Variants in GANAB observed in about 807,000 individuals in gnomAD.
GANAB encodes neutral alpha-glucosidase AB.
GANAB carries 35 observed loss-of-function variants against 129.9 expected under a neutral mutation model. The ratio of observed to expected loss-of-function variants is 0.27; its 90% CI spans 0.21 to 0.36. GANAB has a LOEUF of 0.36. GANAB is among the 10% of genes least tolerant of loss of function. GANAB has a pLI of 1.00. For synonymous variants in GANAB, 482 were observed against 451.8 expected (o/e 1.07, Z -0.85); for missense variants, 939 against 1,221.0 (o/e 0.77, Z 3.44).
In GANAB at chr11:62,628,929, G is replaced by A. The variant is rs1294139471; in HGVS notation, c.2020C>T (p.Arg674Trp). The change falls in exon 17 of 24, where the codon CGG becomes TGG. Residue 674 changes from arginine (R) to tryptophan (W), a missense_variant. Around this residue, in one of 5 missense-constraint regions of GANAB, gnomAD observed 147 missense variants for 282.4 expected, o/e 0.52. Coordinates refer to ENST00000356638, the MANE Select transcript of GANAB (RefSeq NM_198334.3). ...CCAGTGTCCAAGTGGGCATGTGCCC[G>A]GAAGAATGGCTGGTAAGCACCCATC... Reference protein sequence around the residue: ...YQMGAYQPFFRAHAHLDTGRR... With the variant: ...YQMGAYQPFFWAHAHLDTGRR... The A allele has an allele frequency of 3.7e-6, 6 of 1,614,156 alleles. No homozygotes were observed. The highest frequency in any genetic ancestry group is 5.1e-6 in the Non-Finnish European group (6 of 1,180,014).
chr11:62,645,973 G>A (rs1179950704), intron 1 of GANAB, among the ~76,000 whole-genome samples: 1 of 152,166 alleles, frequency 6.6e-6, no homozygotes, highest in Non-Finnish European at 1.5e-5. Context: ...TACATGTTGT[G>A]TTTGAGCAAC....
In GANAB at chr11:62,629,643, G is replaced by A. The variant is rs994145126; in HGVS notation, c.1779C>T (p.Gly593=). The change falls in exon 15 of 24, where the codon GGC becomes GGT. Residue 593 remains glycine (G), a synonymous_variant. Coordinates refer to ENST00000356638, the MANE Select transcript of GANAB (RefSeq NM_198334.3). ...TADGLRQRSG[G]MERPFVLARA... is the part of the protein sequence containing the mutation. ...TGGCCAGGACAAAGGGGCGTTCCAT[G>A]CCCCCAGAGCGCTGTCTCAGCCCAT... 1 of 1,613,550 alleles carries A rather than the reference G, an allele frequency of 6.2e-7. No individual in the cohort carries two copies.
chr11:62,637,752 C>G (rs1380472956), intron 4 of GANAB, among the ~76,000 whole-genome samples: 2 of 150,764 alleles, frequency 1.3e-5, no homozygotes, highest in East Asian at 4.0e-4. Flanking sequence ...AACGGAAACC[C>G]AGCCGGGCGC....
At position 62,639,714 on chromosome 11, in the gene GANAB, A is replaced by G. The variant is rs1944135624; in HGVS notation, c.56T>C (p.Val19Ala). ...CAGGCAGACCCCTAAAAAAGCCAGT[A>G]CCAAAGACGCCCAAGACCTAAGGAG... ...ARRRRSWASL[V>A]LAFLGVCLGI... The change falls in exon 2 of 24, where the codon GTA becomes GCA. Residue 19 changes from valine (V) to alanine (A), a missense_variant. By Grantham distance (64) the Val-to-Ala change is moderately conservative. This residue lies in a region of GANAB where 321 missense variants were observed against 329.1 expected (regional missense o/e 0.98). Transcript: ENST00000356638. 6.2e-7 allele frequency: 1 copy of G among 1,613,700 alleles called. No individual in the cohort carries two copies. The highest frequency in any genetic ancestry group is 8.5e-7 in the Non-Finnish European group (1 of 1,179,618).
At position 62,625,715 on chromosome 11, in the gene GANAB, A is replaced by AT; in HGVS notation, c.*99_*100insA. 1.3e-6 allele frequency: 1 copy of AT among 771,916 alleles called. No individual in the cohort carries two copies. The highest frequency in any genetic ancestry group is 2.3e-6 in the Non-Finnish European group (1 of 438,212). The allele number at this position is 771,916 out of a possible 1,614,324, so 47.8% of individuals were successfully genotyped here. On this transcript the variant is annotated 3_prime_UTR_variant, in exon 24 of 24. Transcript: ENST00000356638. ...CAGAATCTGGGTCTTAGACTAGCAT[A>AT]AGTGAAGTCTGGGGAGGGCCGAACT...
At chr11:62,629,344 CT>C in intron 15 of GANAB, 49 bp from the exon 16 acceptor site, 1 of 1,308,534 alleles carries the variant, frequency 7.6e-7, no homozygotes, top group Non-Finnish European at 1.1e-6. Flanking sequence ...AGGAGTTCAG[CT>C]TTTTACATGG....
intron 9 of GANAB, 87 bp from the exon 10 acceptor site, chr11:62,631,270 G>C (rs1943665517): frequency 7.8e-7 from 1 of 1,277,590 alleles, no homozygotes; most frequent in Non-Finnish European, 1.1e-6. Flanking sequence ...TTCTCCCAGA[G>C]TCCACACAGA....
In GANAB at chr11:62,633,113, A is replaced by G. The variant is rs949770960; in HGVS notation, c.719-12T>C. 20 of 1,608,066 alleles carry G rather than the reference A, an allele frequency of 1.2e-5. No homozygotes were observed. Among genetic ancestry groups the G allele is most frequent in the Non-Finnish European group, 1.7e-5 (20 of 1,174,668 alleles). On this transcript the variant is annotated splice_polypyrimidine_tract_variant and intron_variant, in intron 7 of 23. Coordinates refer to ENST00000356638, the MANE Select transcript of GANAB (RefSeq NM_198334.3). ...CACAGACATGGGGCCTGGAAGAAAA[A>G]CAAACAAGCTTCAGAGCTTCTGCTT...
At chr11:62,638,318 T>C (rs908177809) in intron 4 of GANAB, among the ~76,000 whole-genome samples, 5 of 152,114 alleles carry the variant, frequency 3.3e-5, no homozygotes, top group African/African-American at 1.2e-4. Flanking sequence ...CACACCTGGC[T>C]GATTTTTGTA....
chr11:62,643,913 G>A (rs2134557611), intron 1 of GANAB, among the ~76,000 whole-genome samples: 1 of 152,328 alleles, frequency 6.6e-6, no homozygotes, highest in South Asian at 2.1e-4. Flanking sequence ...TTACAGGCGT[G>A]AGCCACTGCA....
intron 15 of GANAB, 61 bp downstream of exon 15, chr11:62,629,527 C>T: frequency 8.9e-7 from 1 of 1,129,136 alleles, no homozygotes; most frequent in East Asian, 2.4e-5. Flanking sequence ...GGTCCAGGTC[C>T]ATGGCTCCTG....
Position 62,630,512 on chromosome 11 carries a change from G to T in GANAB, c.1387-7C>A. On this transcript the variant is annotated splice_region_variant and splice_polypyrimidine_tract_variant and intron_variant, in intron 11 of 23. Coordinates refer to ENST00000356638, the MANE Select transcript of GANAB (RefSeq NM_198334.3). ...GGTCTACGATGGCCACCAGCTGGGG[G>T]CAAGGAACAGGGGTGTTCAGGTCTC... 6.2e-7 allele frequency: 1 copy of T among 1,614,172 alleles called. No homozygotes were observed. Among genetic ancestry groups the T allele is most frequent in the Non-Finnish European group, 8.5e-7 (1 of 1,180,036 alleles).
chr11:62,630,705 G>A lies in GANAB; in HGVS notation c.1282C>T (p.Leu428=). ...DHNLPCDVIW[L]DIEHADGKRY... is the part of the protein sequence containing the mutation. ...TTGCCATCAGCATGTTCAATGTCTA[G>A]CCAGATGACATCACAGGGCAGGTTG... The change falls in exon 11 of 24, where the codon CTA becomes TTA. Residue 428 remains leucine (L), a synonymous_variant. Coordinates refer to ENST00000356638, the MANE Select transcript of GANAB (RefSeq NM_198334.3). 1.2e-6 allele frequency: 2 copies of A among 1,614,108 alleles called. No individual in the cohort carries two copies. The highest frequency in any genetic ancestry group is 1.7e-6 in the Non-Finnish European group (2 of 1,179,950).
chr11:62,641,868 C>T (rs1389832451), intron 1 of GANAB, among the ~76,000 whole-genome samples: 1 of 152,030 alleles, frequency 6.6e-6, no homozygotes, highest in African/African-American at 2.4e-5. Flanking sequence ...TTGCTCGCCA[C>T]AGCACCCAGC....
chr11:62,626,273 G>C (rs1300590916), intron 22 of GANAB, 62 bp downstream of exon 22: 2 of 1,338,510 alleles, frequency 1.5e-6, no homozygotes, highest in Admixed American at 1.7e-5. Context: ...CAGTGAACTG[G>C]GAGCCCCCAC....
At chr11:62,627,446 C>T (rs1449230151) in intron 17 of GANAB, 93 bp from the exon 18 acceptor site, 5 of 754,716 alleles carry the variant, frequency 6.6e-6, no homozygotes, top group Non-Finnish European at 1.2e-5. Context: ...AAAAGAACAG[C>T]ATAGGCCGGG....
intron 4 of GANAB, among the ~76,000 whole-genome samples, chr11:62,638,095 T>C (rs1944030080): frequency 6.6e-6 from 1 of 152,140 alleles, no homozygotes; most frequent in Non-Finnish European, 1.5e-5. Flanking sequence ...GAATAACGAC[T>C]ACCTACGTCT....
chr11:62,639,444 C>G lies in GANAB; in HGVS notation c.167G>C (p.Gly56Ala). The G allele has an allele frequency of 1.9e-6, 3 of 1,613,612 alleles. No homozygotes were observed. The highest frequency in any genetic ancestry group is 2.5e-6 in the Non-Finnish European group (3 of 1,179,654). The change falls in exon 3 of 24, where the codon GGC becomes GCC. Residue 56 changes from glycine (G) to alanine (A), a missense_variant. Transcript: ENST00000356638. Reference protein sequence around the residue: ...FCKRQRSIRPGLSPYRALLDS... With the variant: ...FCKRQRSIRPALSPYRALLDS... Reference sequence around the variant, plus strand: ...CAGCAAGGCTCGGTATGGAGAGAGGCCTGGCCGTATGCTTCTCTGTCGCCT... The same window carrying G: ...CAGCAAGGCTCGGTATGGAGAGAGGGCTGGCCGTATGCTTCTCTGTCGCCT...
Position 62,632,643 on chromosome 11 carries a change from G to A in GANAB, c.918C>T (p.Asn306=). ...YGSVPVLLAH[N]PHRDLGIFWL... is the part of the protein sequence containing the mutation. ...AGAAGATGCCCAAGTCGCGATGAGG[G>A]TTGTGTGCCAGGAGCACAGGCACAG... Residue 306 remains asparagine (N), a synonymous_variant, in exon 9 of 24, where the codon AAC becomes AAT. Transcript: ENST00000356638. The A allele has an allele frequency of 6.2e-7, 1 of 1,613,958 alleles. No individual in the cohort carries two copies. Among genetic ancestry groups the A allele is most frequent in the South Asian group, 1.1e-5 (1 of 91,084 alleles).
Sources: gnomAD v4.1 joint callset for allele counts (sites outside exome capture counted in the v4.1 genomes callset) on GRCh38, gnomAD v4.1.1 for gene constraint, gnomAD v4.1.1 regional missense constraint, MANE v1.5 for transcripts, NCBI Gene and HGNC (gene_info 2026-07-23, HGNC 2026-07-21) for gene names.